The following HCN1 variants were observed in gnomAD, a reference collection of about 807,000 sequenced individuals.
The protein encoded by HCN1 is potassium/sodium hyperpolarization-activated cyclic nucleotide-gated channel 1.
HCN1 carries 13 observed loss-of-function variants against 78.9 expected under a neutral mutation model. That is an observed-to-expected ratio of 0.16 (90% CI 0.11 to 0.26). HCN1 has a LOEUF of 0.26. HCN1 is among the 10% of genes least tolerant of loss of function. The probability of loss-of-function intolerance (pLI) is 1.00; values close to 1 mark genes in which losing one functional copy is unlikely to be tolerated. For missense variants in HCN1, 810 were observed against 1,154.3 expected (o/e 0.70, Z 4.32); for synonymous variants, 552 against 455.5 (o/e 1.21, Z -2.70).
At chr5:45,627,699 A>C (rs1207182007) in intron 2 of HCN1, among the ~76,000 whole-genome samples, 1 of 152,172 alleles carries the variant, frequency 6.6e-6, no homozygotes, top group Middle Eastern at 3.2e-3. Flanking sequence ...TAAAATCCCC[A>C]TTTCAGGGTA....
chr5:45,585,659 T>G (rs1256310373), intron 2 of HCN1, among the ~76,000 whole-genome samples: 2 of 152,208 alleles, frequency 1.3e-5, no homozygotes, highest in Non-Finnish European at 2.9e-5. Context: ...CATGGTTTTA[T>G]CTACCTGTGG....
chr5:45,373,993 AATATATATTAT>A, intron 4 of HCN1, among the ~76,000 whole-genome samples: 1 of 81,550 alleles, frequency 1.2e-5, no homozygotes, highest in East Asian at 3.4e-4. Flanking sequence ...TAATATATAT[AATATATATTAT>A]ATACATAATA....
At chr5:45,453,069 A>T (rs1190776111) in intron 3 of HCN1, among the ~76,000 whole-genome samples, 2 of 152,090 alleles carry the variant, frequency 1.3e-5, no homozygotes, top group Non-Finnish European at 2.9e-5. Context: ...AGAGCCTTTC[A>T]TTATGGGAAG....
chr5:45,508,421 T>G (rs1401324425), intron 2 of HCN1, among the ~76,000 whole-genome samples: 2 of 152,134 alleles, frequency 1.3e-5, no homozygotes, highest in Non-Finnish European at 2.9e-5. Context: ...CTAGGCTCAA[T>G]GTTCACAATT....
At chr5:45,282,871 C>T (rs764255691) in intron 6 of HCN1, among the ~76,000 whole-genome samples, 4 of 152,140 alleles carry the variant, frequency 2.6e-5, no homozygotes, top group Non-Finnish European at 5.9e-5. Flanking sequence ...TAAATATCAT[C>T]ATTTATTGAT....
intron 3 of HCN1, among the ~76,000 whole-genome samples, chr5:45,429,630 A>G (rs1415407925): frequency 6.6e-6 from 1 of 152,180 alleles, no homozygotes; most frequent in African/African-American, 2.4e-5. Context: ...AAAGCTATGA[A>G]CTCATGGCCA....
intron 4 of HCN1, among the ~76,000 whole-genome samples, chr5:45,375,443 A>G (rs1419517442): frequency 8.8e-6 from 1 of 114,112 alleles, no homozygotes; most frequent in African/African-American, 3.7e-5. Context: ...TATATATAAG[A>G]TCATATTTTA....
chr5:45,528,814 G>A (rs1426501512), intron 2 of HCN1, among the ~76,000 whole-genome samples: 1 of 151,756 alleles, frequency 6.6e-6, no homozygotes, highest in Non-Finnish European at 1.5e-5. Flanking sequence ...GAAAAATATA[G>A]ACCATGTCAT....
At chr5:45,596,046 C>T (rs995992020) in intron 2 of HCN1, among the ~76,000 whole-genome samples, 1 of 151,858 alleles carries the variant, frequency 6.6e-6, no homozygotes, top group African/African-American at 2.4e-5. Flanking sequence ...CAGGGGACCA[C>T]AACCACACCC....
At chr5:45,453,689 C>T (rs1326368620) in intron 3 of HCN1, among the ~76,000 whole-genome samples, 1 of 152,010 alleles carries the variant, frequency 6.6e-6, no homozygotes, top group Non-Finnish European at 1.5e-5. Context: ...TGGCTTTATG[C>T]AAATGGAATA....
intron 2 of HCN1, among the ~76,000 whole-genome samples, chr5:45,577,125 A>C (rs190370984): frequency 9.2e-5 from 14 of 152,226 alleles, no homozygotes; most frequent in African/African-American, 3.1e-4. Flanking sequence ...TTAATCAATA[A>C]ATATTATTAA....
intron 2 of HCN1, among the ~76,000 whole-genome samples, chr5:45,563,321 G>A (rs535915153): frequency 2.0e-5 from 3 of 151,826 alleles, no homozygotes; most frequent in Non-Finnish European, 2.9e-5. Flanking sequence ...GTGTGGTGGC[G>A]GGTGCCTGTA....
chr5:45,642,316 T>C (rs896463610), intron 2 of HCN1: 1 of 152,138 alleles, frequency 6.6e-6, no homozygotes, highest in South Asian at 2.1e-4. Context: ...CCTCCTGTAT[T>C]AACCACTAAT....
At chr5:45,537,392 ATTTT>A (rs563659143) in intron 2 of HCN1, among the ~76,000 whole-genome samples, 8 of 87,006 alleles carry the variant, frequency 9.2e-5, no homozygotes, top group Admixed American at 2.6e-4. Context: ...CTGATTATGC[ATTTT>A]TTTTTGTTTT....
intron 3 of HCN1, among the ~76,000 whole-genome samples, chr5:45,413,566 C>A (rs1241857610): frequency 6.6e-6 from 1 of 151,896 alleles, no homozygotes; most frequent in East Asian, 1.9e-4. Context: ...CTACACCATG[C>A]AGGAGCAAAT....
intron 5 of HCN1, among the ~76,000 whole-genome samples, chr5:45,333,339 G>A (rs189839800): frequency 2.0e-5 from 3 of 151,546 alleles, no homozygotes; most frequent in Admixed American, 6.6e-5. Flanking sequence ...TGGATTATTA[G>A]ACTTTTTTCC....
chr5:45,289,763 C>T (rs1487469433), intron 6 of HCN1, among the ~76,000 whole-genome samples: 1 of 152,012 alleles, frequency 6.6e-6, no homozygotes, highest in Admixed American at 6.6e-5. Flanking sequence ...TAACAAATTA[C>T]TATAGAGTAG....
At chr5:45,499,514 G>T (rs987086507) in intron 2 of HCN1, among the ~76,000 whole-genome samples, 44 of 152,242 alleles carry the variant, frequency 2.9e-4, no homozygotes, top group African/African-American at 1.0e-3. Context: ...GATGAACCCG[G>T]TACCTCAGAT....
chr5:45,652,951 T>TTTTCTAA (rs1745704775), intron 1 of HCN1, among the ~76,000 whole-genome samples: 1 of 152,128 alleles, frequency 6.6e-6, no homozygotes, highest in East Asian at 1.9e-4. Flanking sequence ...CATTATTATG[T>TTTTCTAA]TTTCTAATTT....
Sources: allele counts gnomAD v4.1 joint callset (sites outside exome capture counted in the v4.1 genomes callset), GRCh38; gene constraint gnomAD v4.1.1; transcripts MANE v1.5; gene names NCBI Gene and HGNC (gene_info 2026-07-23, HGNC 2026-07-21).